Variants in RNGTT observed in about 807,000 individuals in gnomAD.
RNGTT encodes the protein mRNA-capping enzyme.
Under a neutral mutation model 79.3 loss-of-function variants are expected in RNGTT, and 33 were observed. That is an observed-to-expected ratio of 0.42 (90% CI 0.32 to 0.56). The LOEUF (loss-of-function observed/expected upper bound fraction) is 0.56, where lower values mean the gene tolerates loss of function less well. Ranked by LOEUF, RNGTT falls within the 20% of genes least tolerant of loss-of-function variation. RNGTT has a pLI of 0.17. For missense variants in RNGTT, 497 were observed against 739.1 expected (o/e 0.67, Z 3.80); for synonymous variants, 222 against 235.9 (o/e 0.94, Z 0.54).
chr6:88,837,114 C>A (rs897700212), intron 11 of RNGTT, among the ~76,000 whole-genome samples: 1 of 152,160 alleles, frequency 6.6e-6, no homozygotes. Context: ...ACTGCTCTGG[C>A]CGGGCATGGT....
At chr6:88,954,252 A>G (rs6928742) in intron 1 of RNGTT, among the ~76,000 whole-genome samples, 3,339 of 152,296 alleles carry the variant, frequency 0.022, 120 homozygotes, top group African/African-American at 0.076. Context: ...CACCTAATGC[A>G]TAAGGACTCA....
At chr6:88,911,860 C>T (rs1199525395) in intron 4 of RNGTT, among the ~76,000 whole-genome samples, 1 of 151,990 alleles carries the variant, frequency 6.6e-6, no homozygotes, top group Non-Finnish European at 1.5e-5. Context: ...AGAGGCCAAG[C>T]AGATGGCTTG....
intron 8 of RNGTT, among the ~76,000 whole-genome samples, chr6:88,874,900 G>T: frequency 6.6e-6 from 1 of 152,008 alleles, no homozygotes; most frequent in Non-Finnish European, 1.5e-5. Context: ...ACAGTATCAA[G>T]TAATGCTCTT....
chr6:88,859,420 A>T (rs1445760041), intron 8 of RNGTT, among the ~76,000 whole-genome samples: 1 of 152,144 alleles, frequency 6.6e-6, no homozygotes, highest in East Asian at 1.9e-4. Context: ...GAACAAAATG[A>T]AAGAGGTCTG....
rs1477939168 is a variant in RNGTT at position 88,963,404 on chromosome 6, A to G, written c.6T>C (p.Ala2=). The change falls in exon 1 of 16, where the codon GCT becomes GCC. Residue 2 remains alanine (A), a synonymous_variant. Transcript: ENST00000369485. The part of the protein sequence containing the change: M[A]HNKIPPRWLN... Reference sequence around the variant, plus strand: ...GCCACCGCGGCGGGATCTTGTTGTGAGCCATGTCTTGGGGCTGCGCAGAGC... The same window carrying G: ...GCCACCGCGGCGGGATCTTGTTGTGGGCCATGTCTTGGGGCTGCGCAGAGC... 6 of 1,605,426 alleles carry G rather than the reference A, an allele frequency of 3.7e-6. No individual in the cohort carries two copies. Among genetic ancestry groups the G allele is most frequent in the Non-Finnish European group, 5.1e-6 (6 of 1,175,590 alleles).
At position 88,825,879 on chromosome 6, in the gene RNGTT, G is replaced by A. The variant is rs113679916; in HGVS notation, c.1269+18478C>T. ...CTATCCTTCTCCTCACTCTGCACCC[G>A]TGTCCAACAAAGTAAGGCAAGACTG... On this transcript the variant is annotated intron_variant, in intron 11 of 15. Transcript: ENST00000369485. Among the ~76,000 whole-genome samples the A allele has an allele frequency of 2.4e-3, 362 of 152,226 alleles. 4 individuals are homozygous for A. The highest frequency in any genetic ancestry group is 8.5e-3 in the African/African-American group (352 of 41,548).
Position 88,885,505 on chromosome 6 carries a change from G to T in RNGTT, c.896+4990C>A, listed in dbSNP as rs528373186. The stretch of plus-strand genomic sequence containing the variant: ...AAAAAAAGCAAGAAAATAAAGAAAT[G>T]AGAAAGAAGGGAAAGTTCTTCCTAA... On this transcript the variant is annotated intron_variant, in intron 8 of 15. Coordinates refer to ENST00000369485, the MANE Select transcript of RNGTT (RefSeq NM_003800.5). Among the ~76,000 whole-genome samples, 6 of 152,276 alleles carry T rather than the reference G, an allele frequency of 3.9e-5. No individual in the cohort carries two copies. In the East Asian group the frequency reaches 9.7e-4, roughly 24 times the overall value.
chr6:88,753,313 A>G (rs1056020596), intron 13 of RNGTT, among the ~76,000 whole-genome samples: 6 of 151,972 alleles, frequency 3.9e-5, no homozygotes, highest in Non-Finnish European at 8.8e-5. Flanking sequence ...AGAACAGCCT[A>G]GGCAACACAG....
chr6:88,732,061 G>A (rs1582394755), intron 13 of RNGTT, among the ~76,000 whole-genome samples: 1 of 152,072 alleles, frequency 6.6e-6, no homozygotes, highest in South Asian at 2.1e-4. Flanking sequence ...TGGAAGAAGA[G>A]GAGGGTTGGT....
chr6:88,927,936 G>A (rs1164295752), intron 4 of RNGTT, among the ~76,000 whole-genome samples: 2 of 152,068 alleles, frequency 1.3e-5, no homozygotes, highest in African/African-American at 4.8e-5. Flanking sequence ...CAGGCACAGT[G>A]GCTCATGCCT....
intron 11 of RNGTT, among the ~76,000 whole-genome samples, chr6:88,805,696 T>C (rs1040167052): frequency 2.6e-5 from 4 of 152,156 alleles, no homozygotes; most frequent in Non-Finnish European, 4.4e-5. Flanking sequence ...TGCTTAATAC[T>C]AAGGCTGGAG....
intron 2 of RNGTT, among the ~76,000 whole-genome samples, chr6:88,929,770 A>G (rs1349806979): frequency 6.6e-6 from 1 of 151,972 alleles, no homozygotes; most frequent in African/African-American, 2.4e-5. Flanking sequence ...GGCTTAAAAG[A>G]TGAGACAATC....
In RNGTT at chr6:88,681,598, T is replaced by C. The variant is rs148802916; in HGVS notation, c.1440-3179A>G. ...TCAAAAATTATTTTAACAAATTGTA[T>C]ATGTAATTATAGTCAAGTAATATGT... is the stretch of plus-strand genomic sequence containing the variant. On this transcript the variant is annotated intron_variant, in intron 13 of 15. Transcript: ENST00000369485. Among the ~76,000 whole-genome samples the C allele has an allele frequency of 2.0e-3, 312 of 152,306 alleles. 2 individuals carry two copies. The highest frequency in any genetic ancestry group is 7.3e-3 in the African/African-American group (305 of 41,604).
At chr6:88,688,655 C>T (rs2127794498) in intron 13 of RNGTT, among the ~76,000 whole-genome samples, 1 of 152,236 alleles carries the variant, frequency 6.6e-6, no homozygotes. Context: ...GAAAGAGTTC[C>T]CAATGGTCAA....
intron 1 of RNGTT, among the ~76,000 whole-genome samples, chr6:88,952,357 G>A (rs1379787786): frequency 2.0e-5 from 3 of 152,124 alleles, no homozygotes; most frequent in African/African-American, 7.2e-5. Flanking sequence ...GAACACAAAA[G>A]ACAGAAATTC....
intron 13 of RNGTT, among the ~76,000 whole-genome samples, chr6:88,681,866 G>A (rs1226201912): frequency 6.6e-6 from 1 of 152,108 alleles, no homozygotes; most frequent in Admixed American, 6.6e-5. Context: ...CTATACTGTG[G>A]CTACCAAAGA....
chr6:88,685,133 G>A (rs1467933779), intron 13 of RNGTT, among the ~76,000 whole-genome samples: 3 of 152,078 alleles, frequency 2.0e-5, no homozygotes, highest in Non-Finnish European at 4.4e-5. Flanking sequence ...GGAGATCAGG[G>A]GGAGGAAAAA....
At chr6:88,749,173 G>T (rs1020064886) in intron 13 of RNGTT, among the ~76,000 whole-genome samples, 1 of 152,034 alleles carries the variant, frequency 6.6e-6, no homozygotes, top group Admixed American at 6.6e-5. Context: ...AGAGCCAAAA[G>T]AAATGTTAAA....
chr6:88,782,302 A>G (rs1319027642), intron 12 of RNGTT, among the ~76,000 whole-genome samples: 2 of 152,034 alleles, frequency 1.3e-5, no homozygotes, highest in African/African-American at 4.8e-5. Flanking sequence ...AGATATTTGA[A>G]CCCAAGTATT....
Sources: allele counts gnomAD v4.1 joint callset (sites outside exome capture counted in the v4.1 genomes callset), GRCh38; gene constraint gnomAD v4.1.1; transcripts MANE v1.5; gene names NCBI Gene and HGNC (gene_info 2026-07-23, HGNC 2026-07-21).